Variants in ARHGAP15 observed in about 807,000 individuals in gnomAD.
ARHGAP15 encodes Rho GTPase activating protein 15, also known as rho GTPase-activating protein 15.
In ARHGAP15, 51 loss-of-function variants were observed where a neutral mutation model predicts 63.7. The observed-to-expected ratio is 0.80, with a 90% confidence interval of 0.64 to 1.01. ARHGAP15 has a LOEUF of 1.01. Among genes scored for constraint, ARHGAP15 ranks in the 50% least tolerant of loss-of-function variants. ARHGAP15 has a pLI of 0.00. For missense variants in ARHGAP15, 560 were observed against 564.6 expected (o/e 0.99, Z 0.08); for synonymous variants, 191 against 193.8 (o/e 0.99, Z 0.12).
chr2:143,248,179 G>C (rs1047284413), intron 5 of ARHGAP15, among the ~76,000 whole-genome samples: 5 of 152,128 alleles, frequency 3.3e-5, no homozygotes, highest in African/African-American at 1.2e-4. Context: ...AGAGTAACCA[G>C]GAGTACTGGA....
chr2:143,272,094 C>T (rs1335637033), intron 6 of ARHGAP15, among the ~76,000 whole-genome samples: 1 of 152,160 alleles, frequency 6.6e-6, no homozygotes, highest in African/African-American at 2.4e-5. Context: ...CTATCCTCTT[C>T]TCATGCTGCT....
intron 6 of ARHGAP15, among the ~76,000 whole-genome samples, chr2:143,291,273 G>A (rs1230349935): frequency 6.6e-6 from 1 of 152,024 alleles, no homozygotes; most frequent in East Asian, 1.9e-4. Context: ...AAGTATTTTG[G>A]GGGGTACTTG....
At chr2:143,273,711 C>T (rs1194197412) in intron 6 of ARHGAP15, among the ~76,000 whole-genome samples, 2 of 152,050 alleles carry the variant, frequency 1.3e-5, no homozygotes, top group Non-Finnish European at 2.9e-5. Flanking sequence ...TTATAAATCT[C>T]TTCTGCTAAT....
intron 2 of ARHGAP15, among the ~76,000 whole-genome samples, chr2:143,176,900 C>A (rs1432995614): frequency 6.6e-6 from 1 of 152,174 alleles, no homozygotes; most frequent in East Asian, 1.9e-4. Flanking sequence ...TTGGAGGGGG[C>A]TCTCTTTCCT....
At chr2:143,486,120 G>C (rs543596675) in intron 8 of ARHGAP15, among the ~76,000 whole-genome samples, 2 of 152,248 alleles carry the variant, frequency 1.3e-5, no homozygotes, top group South Asian at 4.1e-4. Flanking sequence ...GGACCAGGTA[G>C]ATTTTCAAAA....
At chr2:143,422,834 G>A (rs1688983572) in intron 6 of ARHGAP15, among the ~76,000 whole-genome samples, 1 of 152,040 alleles carries the variant, frequency 6.6e-6, no homozygotes, top group Non-Finnish European at 1.5e-5. Context: ...AGTCTGGTAT[G>A]TGAGATAAAC....
At chr2:143,759,040 CT>C (rs369600006) in intron 13 of ARHGAP15, among the ~76,000 whole-genome samples, 11 of 152,270 alleles carry the variant, frequency 7.2e-5, no homozygotes, top group African/African-American at 2.6e-4. Context: ...CTAGATAATT[CT>C]TTGTCATCAG....
At chr2:143,206,136 G>T (rs898376595) in intron 3 of ARHGAP15, among the ~76,000 whole-genome samples, 1 of 152,084 alleles carries the variant, frequency 6.6e-6, no homozygotes, top group African/African-American at 2.4e-5. Context: ...AGCAATTACA[G>T]TCCTTTCATC....
chr2:143,177,710 A>G (rs1196983681), intron 2 of ARHGAP15, among the ~76,000 whole-genome samples: 2 of 152,066 alleles, frequency 1.3e-5, no homozygotes, highest in African/African-American at 2.4e-5. Flanking sequence ...TTTCACTCTG[A>G]TTTTTATAAG....
At chr2:143,230,887 A>G (rs1352298100) in intron 5 of ARHGAP15, among the ~76,000 whole-genome samples, 3 of 152,166 alleles carry the variant, frequency 2.0e-5, no homozygotes, top group African/African-American at 7.2e-5. Context: ...TCTGGAAAAA[A>G]GTCTGCCCTT....
At chr2:143,295,542 G>A (rs1250167649) in intron 6 of ARHGAP15, 1 of 151,942 alleles carries the variant, frequency 6.6e-6, no homozygotes, top group African/African-American at 2.4e-5. Flanking sequence ...TACCAAGAAA[G>A]GTTTCATCAA....
chr2:143,419,461 T>TATCAAGACAAAATGTGGAAAC (rs139059272), intron 6 of ARHGAP15, among the ~76,000 whole-genome samples: 6 of 151,876 alleles, frequency 4.0e-5, no homozygotes, highest in Non-Finnish European at 8.8e-5. Flanking sequence ...TGGGTTTATT[T>TATCAAGACAAAATGTGGAAAC]AACTAAATTG....
chr2:143,232,917 A>T (rs899812191), intron 5 of ARHGAP15, among the ~76,000 whole-genome samples: 1 of 150,696 alleles, frequency 6.6e-6, no homozygotes, highest in African/African-American at 2.4e-5. Flanking sequence ...TCTTTTCTCT[A>T]CTAGTTTGGG....
chr2:143,250,553 C>G lies in ARHGAP15; in HGVS notation c.427C>G (p.His143Asp), dbSNP rs373646185. The G allele has an allele frequency of 1.9e-6, 3 of 1,613,452 alleles. 1 individual carries two copies. The South Asian group carries it at 3.3e-5, about 18-fold the overall frequency. Reference sequence around the variant, plus strand: ...AGAAAGTGTGGATTTGTGTGGAGCACACATTGAATGGGCCAAGGAAAAATC... The same window carrying G: ...AGAAAGTGTGGATTTGTGTGGAGCAGACATTGAATGGGCCAAGGAAAAATC... ...KPESVDLCGAHIEWAKEKSSR... is the reference protein window; with the variant it reads ...KPESVDLCGADIEWAKEKSSR... The change falls in exon 6 of 14, where the codon CAC (histidine) becomes GAC (aspartate). Residue 143 changes from histidine (H) to aspartate (D), a missense_variant. Physicochemically the swap from His to Asp is moderately conservative, Grantham distance 81. Transcript: ENST00000295095.
At chr2:143,237,281 A>G (rs1159412546) in intron 5 of ARHGAP15, 5 of 152,160 alleles carry the variant, frequency 3.3e-5, no homozygotes, top group Non-Finnish European at 7.4e-5. Context: ...ATGCAAATAG[A>G]TGTGAGCAAT....
chr2:143,511,934 TC>T (rs1693610419), intron 9 of ARHGAP15, among the ~76,000 whole-genome samples: 1 of 152,228 alleles, frequency 6.6e-6, no homozygotes, highest in Non-Finnish European at 1.5e-5. Flanking sequence ...ATGTGCATTA[TC>T]ATCTCTTCTC....
intron 11 of ARHGAP15, among the ~76,000 whole-genome samples, chr2:143,613,497 G>A (rs1698338806): frequency 6.6e-6 from 1 of 152,120 alleles, no homozygotes; most frequent in South Asian, 2.1e-4. Context: ...CCGTAAAGTA[G>A]TTTATGATAC....
intron 10 of ARHGAP15, among the ~76,000 whole-genome samples, chr2:143,542,597 G>C (rs958132642): frequency 1.4e-5 from 2 of 145,874 alleles, no homozygotes; most frequent in Non-Finnish European, 3.0e-5. Context: ...TCATATATGT[G>C]TATATGTGTG....
At chr2:143,265,318 A>G (rs1680935523) in intron 6 of ARHGAP15, among the ~76,000 whole-genome samples, 1 of 151,950 alleles carries the variant, frequency 6.6e-6, no homozygotes, top group Non-Finnish European at 1.5e-5. Flanking sequence ...CCCAAAATTG[A>G]GCTGTAAGAC....
Sources: gnomAD v4.1 joint callset for allele counts (sites outside exome capture counted in the v4.1 genomes callset) on GRCh38, gnomAD v4.1.1 for gene constraint, MANE v1.5 for transcripts, NCBI Gene and HGNC (gene_info 2026-07-23, HGNC 2026-07-21) for gene names.